ADCY2: variants seen among roughly 807,000 people sequenced by gnomAD.
The protein encoded by ADCY2 is adenylate cyclase 2, also known as adenylate cyclase type 2.
ADCY2 carries 31 observed loss-of-function variants against 125.2 expected under a neutral mutation model. The observed-to-expected ratio is 0.25, with a 90% CI of 0.19 to 0.33. The LOEUF (loss-of-function observed/expected upper bound fraction) is 0.33, where lower values mean the gene tolerates loss of function less well. Ranked by LOEUF, ADCY2 falls within the 10% of genes least tolerant of loss-of-function variation. The probability of loss-of-function intolerance (pLI) is 1.00; values close to 1 mark genes in which losing one functional copy is unlikely to be tolerated. For synonymous variants in ADCY2, 512 were observed against 548.4 expected, an observed-to-expected ratio of 0.93 and a Z score of 0.93; for missense variants, 904 against 1,418.2, an observed-to-expected ratio of 0.64 and a Z score of 5.82.
At chr5:7,415,055 A>G (rs572061260) in intron 2 of ADCY2, among the ~76,000 whole-genome samples, 3 of 152,320 alleles carry the variant, frequency 2.0e-5, no homozygotes, top group African/African-American at 7.2e-5. Flanking sequence ...GTGTGTGTGT[A>G]TAATTGGATA....
chr5:7,589,306 T>A (rs1287251017), intron 3 of ADCY2, among the ~76,000 whole-genome samples: 1 of 150,142 alleles, frequency 6.7e-6, no homozygotes, highest in Non-Finnish European at 1.5e-5. Flanking sequence ...AAAAAATGAT[T>A]CCAATTTTGT....
At chr5:7,789,837 T>C in intron 20 of ADCY2, 37 bp downstream of exon 20, 1 of 1,439,042 alleles carries the variant, frequency 6.9e-7, no homozygotes, top group Non-Finnish European at 9.3e-7. Context: ...GGGAGGGGGC[T>C]GGATGCCATG....
chr5:7,680,551 T>TGACC (rs779237776), intron 4 of ADCY2, among the ~76,000 whole-genome samples: 7 of 152,242 alleles, frequency 4.6e-5, no homozygotes, highest in Non-Finnish European at 7.3e-5. Flanking sequence ...TACATCTGAC[T>TGACC]GACCAGGCTC....
intron 2 of ADCY2, among the ~76,000 whole-genome samples, chr5:7,415,801 C>T (rs572920300): frequency 2.0e-5 from 3 of 152,142 alleles, no homozygotes; most frequent in South Asian, 2.1e-4. Context: ...CATCTGACAG[C>T]GTGATAAATG....
intron 3 of ADCY2, among the ~76,000 whole-genome samples, chr5:7,586,466 A>G (rs538802373): frequency 3.3e-5 from 5 of 152,158 alleles, no homozygotes; most frequent in South Asian, 2.1e-4. Context: ...GTGCAGGCCT[A>G]TGTCGACACC....
intron 2 of ADCY2, among the ~76,000 whole-genome samples, chr5:7,509,100 A>G (rs1412659100): frequency 6.6e-6 from 1 of 152,212 alleles, no homozygotes; most frequent in Non-Finnish European, 1.5e-5. Context: ...GGTTTGGGAA[A>G]TCAGTGGACA....
At chr5:7,553,685 A>G (rs764144237) in intron 3 of ADCY2, among the ~76,000 whole-genome samples, 1 of 152,130 alleles carries the variant, frequency 6.6e-6, no homozygotes, top group East Asian at 1.9e-4. Flanking sequence ...CAGGGAGGGT[A>G]TGGTGGCTAT....
chr5:7,526,868 A>G, intron 3 of ADCY2, among the ~76,000 whole-genome samples: 1 of 152,252 alleles, frequency 6.6e-6, no homozygotes, highest in Admixed American at 6.5e-5. Context: ...TTTAATTATC[A>G]GAAAACTTAA....
chr5:7,740,877 T>A (rs1188264918), intron 14 of ADCY2, among the ~76,000 whole-genome samples: 1 of 151,948 alleles, frequency 6.6e-6, no homozygotes, highest in Admixed American at 6.6e-5. Flanking sequence ...TTCTAACAAA[T>A]GACAATCCAA....
chr5:7,758,468 C>T, intron 16 of ADCY2, among the ~76,000 whole-genome samples: 1 of 152,138 alleles, frequency 6.6e-6, no homozygotes, highest in Non-Finnish European at 1.5e-5. Flanking sequence ...CTTCCAGGGA[C>T]CCAAAGCCAG....
chr5:7,396,484 C>G lies in ADCY2; in HGVS notation c.188C>G (p.Ala63Gly), dbSNP rs766654431. ...ATGGGCTCCTGCCTCGCCCTGCTCG[C>G]CGTCTTCTTCGCGCTCGGGCTGGTG... ...IVMGSCLALL[A>G]VFFALGLEVE... The change falls in exon 1 of 25, where the codon GCC (alanine) becomes GGC (glycine). Residue 63 changes from alanine to glycine, a missense_variant. Ala to Gly is a moderately conservative substitution (Grantham distance 60, BLOSUM62 0). Around this residue, in one of 7 missense-constraint regions of ADCY2, gnomAD observed 113 missense variants for 108.0 expected, o/e 1.05. Transcript: ENST00000338316. The surrounding 1 kb of genome is among the most constrained non-coding windows in gnomAD (Gnocchi z 5.7). 2.6e-6 allele frequency: 4 copies of G among 1,567,524 alleles called. No homozygotes were observed. The highest frequency in any genetic ancestry group is 3.5e-6 in the Non-Finnish European group (4 of 1,157,566).
At chr5:7,412,775 C>T (rs1739774641) in intron 1 of ADCY2, among the ~76,000 whole-genome samples, 1 of 152,240 alleles carries the variant, frequency 6.6e-6, no homozygotes, top group African/African-American at 2.4e-5. Flanking sequence ...TGGCTGGAGG[C>T]CTGTCTCACC....
At chr5:7,430,536 T>A (rs548834390) in intron 2 of ADCY2, among the ~76,000 whole-genome samples, 64 of 144,962 alleles carry the variant, frequency 4.4e-4, no homozygotes, top group African/African-American at 1.6e-3. Flanking sequence ...ATATATATAC[T>A]ATATATATAT....
chr5:7,745,704 A>G lies in ADCY2; in HGVS notation c.1956+1952A>G, dbSNP rs546449992. Among the ~76,000 whole-genome samples, 7 of 152,278 alleles carry G rather than the reference A, an allele frequency of 4.6e-5. No homozygotes were observed. The South Asian group carries it at 6.2e-4, about 14-fold the overall frequency. ...TCAGGTTTCCAAAACAGGAACCATC[A>G]TTGGTGGTTCCATTGGAAATCCCAA... On this transcript the variant is annotated intron_variant, in intron 15 of 24. Transcript: ENST00000338316.
At chr5:7,692,363 C>G (rs1740731384) in intron 5 of ADCY2, 1 of 152,090 alleles carries the variant, frequency 6.6e-6, no homozygotes, top group Non-Finnish European at 1.5e-5. Flanking sequence ...ATATAGGAAA[C>G]TCATATCAGG....
chr5:7,562,740 A>C (rs1735746226), intron 3 of ADCY2, among the ~76,000 whole-genome samples: 1 of 152,160 alleles, frequency 6.6e-6, no homozygotes, highest in African/African-American at 2.4e-5. Context: ...TTTAGCTAGA[A>C]ACTACAAGAC....
intron 7 of ADCY2, among the ~76,000 whole-genome samples, chr5:7,704,002 A>G (rs1393044735): frequency 6.7e-6 from 1 of 149,300 alleles, no homozygotes; most frequent in Non-Finnish European, 1.5e-5. Context: ...ATTCTGTCCA[A>G]AAAAAAAAAA....
At chr5:7,531,090 A>G (rs1451475988) in intron 3 of ADCY2, among the ~76,000 whole-genome samples, 3 of 152,208 alleles carry the variant, frequency 2.0e-5, no homozygotes, top group South Asian at 2.1e-4. Context: ...CTGAAGGTTA[A>G]TGGAATAGCA....
chr5:7,650,059 A>G (rs563760741), intron 4 of ADCY2, among the ~76,000 whole-genome samples: 33 of 152,128 alleles, frequency 2.2e-4, no homozygotes, highest in Admixed American at 1.0e-3. Flanking sequence ...CACTCACTGA[A>G]TTGTCCTTGT....
Sources: allele counts gnomAD v4.1 joint callset (sites outside exome capture counted in the v4.1 genomes callset), GRCh38; gene constraint gnomAD v4.1.1; regional missense constraint gnomAD v4.1.1; non-coding constraint Gnocchi (gnomAD v3.1); transcripts MANE v1.5; gene names NCBI Gene and HGNC (gene_info 2026-07-23, HGNC 2026-07-21).